The following CSMD1 variants were observed in gnomAD, a reference collection of about 807,000 sequenced individuals.
The protein encoded by CSMD1 is CUB and Sushi multiple domains 1.
In CSMD1, 213 loss-of-function variants were observed where a neutral mutation model predicts 417.5. The ratio of observed to expected loss-of-function variants is 0.51; its 90% CI spans 0.46 to 0.57. The LOEUF (loss-of-function observed/expected upper bound fraction) is 0.57. Ranked by LOEUF, CSMD1 falls within the 20% of genes least tolerant of loss-of-function variation. The probability of loss-of-function intolerance (pLI) is 0.00; values close to 1 mark genes in which losing one functional copy is unlikely to be tolerated. For missense variants in CSMD1, 6,923 were observed against 4,529.7 expected, an observed-to-expected ratio of 1.53 and a Z score of -15.17; for synonymous variants, 2,862 against 1,736.8, an observed-to-expected ratio of 1.65 and a Z score of -16.11.
intron 30 of CSMD1, among the ~76,000 whole-genome samples, chr8:3,206,995 A>G (rs1284794172): frequency 6.6e-6 from 1 of 151,974 alleles, no homozygotes; most frequent in Non-Finnish European, 1.5e-5. Flanking sequence ...AGCCTGTTGC[A>G]CCCTTACCAT....
chr8:3,710,225 C>G (rs527995837), intron 6 of CSMD1, among the ~76,000 whole-genome samples: 2 of 151,972 alleles, frequency 1.3e-5, no homozygotes, highest in Non-Finnish European at 2.9e-5. Context: ...ATTCATTGAA[C>G]AGAGTCTAAA....
chr8:3,363,591 G>GCT (rs918591301), intron 20 of CSMD1, among the ~76,000 whole-genome samples: 6 of 152,070 alleles, frequency 3.9e-5, no homozygotes, highest in Non-Finnish European at 7.4e-5. Flanking sequence ...GCAGTGGCGC[G>GCT]ATCTCCGCTC....
chr8:4,196,103 G>A (rs773064090), intron 3 of CSMD1, among the ~76,000 whole-genome samples: 12 of 152,060 alleles, frequency 7.9e-5, no homozygotes, highest in Non-Finnish European at 1.5e-4. Flanking sequence ...CCCAGCTGCT[G>A]GGGAGACTGA....
chr8:3,927,884 A>G (rs754685395), intron 5 of CSMD1, among the ~76,000 whole-genome samples: 2 of 152,158 alleles, frequency 1.3e-5, no homozygotes, highest in Non-Finnish European at 2.9e-5. Flanking sequence ...TCTTAATATG[A>G]GAGTCGAAGG....
intron 1 of CSMD1, among the ~76,000 whole-genome samples, chr8:4,896,447 T>TA (rs1035625874): frequency 5.1e-4 from 77 of 152,150 alleles, no homozygotes; most frequent in Non-Finnish European, 5.3e-4. Flanking sequence ...ATGGAGCATC[T>TA]ACCAGGAAAA....
chr8:3,765,671 G>C (rs1036241189), intron 5 of CSMD1, among the ~76,000 whole-genome samples: 1 of 152,236 alleles, frequency 6.6e-6, no homozygotes, highest in Non-Finnish European at 1.5e-5. Flanking sequence ...GTAAGAGAAT[G>C]CTGCTCTTGT....
chr8:3,673,332 G>C lies in CSMD1; in HGVS notation c.1009+35082C>G, dbSNP rs1034997646. Among the ~76,000 whole-genome samples the C allele has an allele frequency of 4.3e-4, 66 of 152,148 alleles. 1 individual carries two copies. The highest frequency in any genetic ancestry group is 4.1e-3 in the Admixed American group (63 of 15,274). ...AACAGGTAAACTGAAAATTCAGCAA[G>C]TACTGAACAAAAGAATTGCAATTTC... is the stretch of plus-strand genomic sequence containing the variant. On this transcript the variant is annotated intron_variant, in intron 7 of 69. Coordinates refer to ENST00000635120, the MANE Select transcript of CSMD1 (RefSeq NM_033225.6).
chr8:4,137,421 T>G (rs1165451269), intron 3 of CSMD1, among the ~76,000 whole-genome samples: 1 of 78,572 alleles, frequency 1.3e-5, no homozygotes, highest in Non-Finnish European at 3.9e-5. Context: ...CGCTTGTGTT[T>G]AATAATGAAA....
At chr8:3,259,953 C>A (rs1284175976) in intron 26 of CSMD1, among the ~76,000 whole-genome samples, 2 of 152,144 alleles carry the variant, frequency 1.3e-5, no homozygotes, top group Admixed American at 6.5e-5. Context: ...GGCTACACAG[C>A]CACAGAGCTG....
chr8:3,937,678 C>A lies in CSMD1; in HGVS notation c.818+60225G>T, dbSNP rs372868964. On this transcript the variant is annotated intron_variant, in intron 5 of 69. Coordinates refer to ENST00000635120, the MANE Select transcript of CSMD1 (RefSeq NM_033225.6). ...TTGCAATATCTCTGAAGTACGGCTG[C>A]ATATCAATAACTACAGACATCTTAT... is the stretch of plus-strand genomic sequence containing the variant. Among the ~76,000 whole-genome samples, 5 of 152,258 alleles carry A rather than the reference C, an allele frequency of 3.3e-5. No homozygotes were observed. In the East Asian group the frequency reaches 9.6e-4, roughly 29 times the overall value.
At chr8:3,834,814 C>G (rs1382119942) in intron 5 of CSMD1, among the ~76,000 whole-genome samples, 2 of 151,856 alleles carry the variant, frequency 1.3e-5, no homozygotes, top group Non-Finnish European at 2.9e-5. Flanking sequence ...TCACAACCTA[C>G]TCATCTGACA....
intron 25 of CSMD1, among the ~76,000 whole-genome samples, chr8:3,299,567 T>TAAAGG (rs1804234273): frequency 6.6e-6 from 1 of 151,618 alleles, no homozygotes; most frequent in East Asian, 2.0e-4. Context: ...GTCTGGCAGA[T>TAAAGG]AAAAGCACGC....
chr8:2,946,601 A>G (rs1411385188), intron 68 of CSMD1, among the ~76,000 whole-genome samples: 1 of 152,080 alleles, frequency 6.6e-6, no homozygotes, highest in Non-Finnish European at 1.5e-5. Context: ...CTAATATTCC[A>G]TTGTATGGCT....
intron 5 of CSMD1, among the ~76,000 whole-genome samples, chr8:3,911,669 T>G (rs1256695875): frequency 6.6e-6 from 1 of 152,154 alleles, no homozygotes; most frequent in Admixed American, 6.5e-5. Flanking sequence ...CACATGTCAT[T>G]GCTTGTCGGA....
intron 5 of CSMD1, among the ~76,000 whole-genome samples, chr8:3,950,599 C>T (rs1389967341): frequency 6.6e-6 from 1 of 152,180 alleles, no homozygotes; most frequent in Admixed American, 6.5e-5. Context: ...TATGAAACCA[C>T]CATTAAGTCG....
At chr8:3,112,823 A>T (rs754676972) in intron 42 of CSMD1, 1 of 152,240 alleles carries the variant, frequency 6.6e-6, no homozygotes, top group Non-Finnish European at 1.5e-5. Context: ...TATTCTATCC[A>T]TAAGCACACA....
At chr8:4,536,910 T>G (rs1797130543) in intron 2 of CSMD1, among the ~76,000 whole-genome samples, 1 of 152,180 alleles carries the variant, frequency 6.6e-6, no homozygotes, top group Non-Finnish European at 1.5e-5. Context: ...GGAGAAATTG[T>G]AAAACTGTGT....
chr8:4,108,039 G>T (rs1350056915), intron 3 of CSMD1, among the ~76,000 whole-genome samples: 1 of 144,882 alleles, frequency 6.9e-6, no homozygotes, highest in South Asian at 2.1e-4. Context: ...GAGAGAGAGA[G>T]AAAGAGAGAC....
chr8:4,907,489 C>G (rs1042911439), intron 1 of CSMD1, among the ~76,000 whole-genome samples: 1 of 151,884 alleles, frequency 6.6e-6, no homozygotes, highest in East Asian at 1.9e-4. Context: ...AAATCCTAAA[C>G]TCATAACATC....
Sources: allele counts gnomAD v4.1 joint callset (sites outside exome capture counted in the v4.1 genomes callset), GRCh38; gene constraint gnomAD v4.1.1; transcripts MANE v1.5; gene names NCBI Gene and HGNC (gene_info 2026-07-23, HGNC 2026-07-21).